MCPH1: variants seen among roughly 807,000 people sequenced by gnomAD.
MCPH1 encodes microcephalin 1, also known as microcephalin.
Under a neutral mutation model 84.5 loss-of-function variants are expected in MCPH1, and 104 were observed. That is an observed-to-expected ratio of 1.23 (90% CI 1.05 to 1.45). The LOEUF is 1.45. MCPH1 is among the 40% of genes most tolerant of loss of function. The probability of loss-of-function intolerance (pLI) is 0.00; values close to 1 mark genes in which losing one functional copy is unlikely to be tolerated. For missense variants in MCPH1, 1,498 were observed against 1,005.7 expected (o/e 1.49, Z -6.62); for synonymous variants, 514 against 366.8 (o/e 1.40, Z -4.58).
At chr8:6,567,799 G>C (rs2442550) in intron 12 of MCPH1, among the ~76,000 whole-genome samples, 141,006 of 151,956 alleles carry the variant, frequency 0.93, 65,496 homozygotes, top group Non-Finnish European at 0.94. Flanking sequence ...CAGAACTCCA[G>C]AGAAAATCTT....
At chr8:6,566,493 A>T (rs1385979047) in intron 12 of MCPH1, among the ~76,000 whole-genome samples, 1 of 152,262 alleles carries the variant, frequency 6.6e-6, no homozygotes, top group Admixed American at 6.5e-5. Context: ...TGTGGTCAGC[A>T]AGGCCATGGA....
At chr8:6,479,549 G>A (rs572881962) in intron 10 of MCPH1, among the ~76,000 whole-genome samples, 9 of 151,422 alleles carry the variant, frequency 5.9e-5, no homozygotes, top group African/African-American at 1.5e-4. Flanking sequence ...ATTCTCCTGC[G>A]TCAGCCTCCT....
At position 6,414,617 on chromosome 8, in the gene MCPH1, T is replaced by C. The variant is rs17076773; in HGVS notation, c.115-148T>C. 16,028 of 716,672 alleles carry C rather than the reference T, an allele frequency of 0.022. 600 individuals carry two copies. Among genetic ancestry groups the C allele is most frequent in the African/African-American group, 0.14 (7,720 of 55,930 alleles). 44.4% of individuals were successfully genotyped at this position (716,672 alleles called of 1,614,324 possible). A position where few individuals can be genotyped will look rare whatever the true frequency, so the allele number is the denominator to read the frequency against. On this transcript the variant is annotated intron_variant, in intron 2 of 13. Transcript: ENST00000344683. ...TTCACCGTTGTAACTGGAACAGATA[T>C]GTTTTAAGCAGCGTTATGCATTCCT...
chr8:6,439,276 A>G (rs570935100), intron 6 of MCPH1, among the ~76,000 whole-genome samples, 180 bp downstream of exon 6: 3 of 151,708 alleles, frequency 2.0e-5, no homozygotes, highest in Admixed American at 6.6e-5. Flanking sequence ...TTTGAAGCAT[A>G]TGTTGGGTGT....
chr8:6,638,437 G>GC (rs1460789797), intron 13 of MCPH1, among the ~76,000 whole-genome samples: 1 of 152,036 alleles, frequency 6.6e-6, no homozygotes, highest in African/African-American at 2.4e-5. Context: ...AAAGTGACTT[G>GC]CCCACCATAC....
intron 12 of MCPH1, among the ~76,000 whole-genome samples, chr8:6,556,434 A>C (rs895646960): frequency 2.0e-5 from 3 of 152,072 alleles, no homozygotes; most frequent in African/African-American, 7.2e-5. Context: ...TGTAGTGACC[A>C]AGGACTTAAC....
intron 8 of MCPH1, chr8:6,446,886 C>T (rs1201882626): frequency 7.1e-6 from 7 of 984,958 alleles, no homozygotes; most frequent in African/African-American, 1.7e-5. Flanking sequence ...TGCCCCCCTG[C>T]GTCGACAGCC....
chr8:6,434,157 C>G (rs1307061040), intron 4 of MCPH1, among the ~76,000 whole-genome samples: 1 of 152,198 alleles, frequency 6.6e-6, no homozygotes, highest in Non-Finnish European at 1.5e-5. Context: ...CCTCCTAACA[C>G]ACTGTAGTAA....
chr8:6,540,238 C>T (rs1821300854), intron 12 of MCPH1, among the ~76,000 whole-genome samples: 1 of 151,954 alleles, frequency 6.6e-6, no homozygotes, highest in South Asian at 2.1e-4. Flanking sequence ...ATCATTTTAC[C>T]TCTTTGTGTG....
chr8:6,626,748 C>G (rs1049923668), intron 13 of MCPH1: 2 of 985,100 alleles, frequency 2.0e-6, no homozygotes, highest in African/African-American at 3.5e-5. Context: ...ATCACAAGCC[C>G]TTGGGTGGAG....
At chr8:6,499,711 G>T in intron 11 of MCPH1, 141 bp from the exon 12 acceptor site, 1 of 704,176 alleles carries the variant, frequency 1.4e-6, no homozygotes, top group African/African-American at 1.7e-5. Flanking sequence ...AGATTCTGAA[G>T]GGACTTTGTT....
At chr8:6,474,417 T>C (rs1281469815) in intron 9 of MCPH1, 1 of 252,950 alleles carries the variant, frequency 4.0e-6, no homozygotes, top group Non-Finnish European at 7.6e-6. Flanking sequence ...ACTAATTTCA[T>C]AATACTACTA....
intron 6 of MCPH1, among the ~76,000 whole-genome samples, chr8:6,441,422 A>G (rs1231085055): frequency 6.6e-6 from 1 of 152,158 alleles, no homozygotes; most frequent in Non-Finnish European, 1.5e-5. Flanking sequence ...GTTTTCTCAG[A>G]AAAGTATCCT....
intron 12 of MCPH1, among the ~76,000 whole-genome samples, chr8:6,582,090 G>A (rs1339710402): frequency 6.6e-6 from 1 of 152,222 alleles, no homozygotes; most frequent in African/African-American, 2.4e-5. Context: ...GTAACCTGCA[G>A]TGCTTGGCTG....
At chr8:6,562,684 T>C in intron 12 of MCPH1, 6 of 1,606,788 alleles carry the variant, frequency 3.7e-6, no homozygotes, top group Non-Finnish European at 5.1e-6. Flanking sequence ...CATGATGTTC[T>C]CCAGCACTTG....
intron 12 of MCPH1, among the ~76,000 whole-genome samples, chr8:6,505,992 A>G (rs994645360): frequency 8.5e-6 from 1 of 117,264 alleles, no homozygotes; most frequent in African/African-American, 4.1e-5. Context: ...ATATAAAAAC[A>G]TATACATATT....
At position 6,438,973 on chromosome 8, in the gene MCPH1, T is replaced by C. The variant is rs1301569969; in HGVS notation, c.457T>C (p.Leu153=). 4 of 1,612,490 alleles carry C rather than the reference T, an allele frequency of 2.5e-6. No individual in the cohort carries two copies. Among genetic ancestry groups the C allele is most frequent in the East Asian group, 2.2e-5 (1 of 44,838 alleles). The change falls in exon 6 of 14, where the codon TTA becomes CTA. Residue 153 remains leucine, a synonymous_variant. Transcript: ENST00000344683. ...TNLDDDVPIL[L]FESNGSLIYT... is the part of the protein sequence containing the mutation. ...TTCAGATGATGATGTACCTATTCTC[T>C]TATTTGAATCTAATGGTTCATTAAT... is the stretch of plus-strand genomic sequence containing the variant.
At chr8:6,534,364 C>G (rs1436318032) in intron 12 of MCPH1, among the ~76,000 whole-genome samples, 1 of 152,138 alleles carries the variant, frequency 6.6e-6, no homozygotes, top group East Asian at 1.9e-4. Flanking sequence ...TGCAGATCTA[C>G]CCTGTTTTAC....
At chr8:6,533,361 G>A (rs1191842333) in intron 12 of MCPH1, among the ~76,000 whole-genome samples, 1 of 152,178 alleles carries the variant, frequency 6.6e-6, no homozygotes, top group Non-Finnish European at 1.5e-5. Context: ...TGAGTACGTG[G>A]GAAGAGCCTT....
Sources: allele counts gnomAD v4.1 joint callset (sites outside exome capture counted in the v4.1 genomes callset), GRCh38; gene constraint gnomAD v4.1.1; transcripts MANE v1.5; gene names NCBI Gene and HGNC (gene_info 2026-07-23, HGNC 2026-07-21).